DENND5A: variants seen among roughly 807,000 people sequenced by gnomAD.
DENND5A encodes the protein DENN domain containing 5A.
A neutral mutation model predicts 140.3 loss-of-function variants in DENND5A; 64 were observed. The observed-to-expected ratio is 0.46, with a 90% confidence interval of 0.37 to 0.56. The LOEUF (loss-of-function observed/expected upper bound fraction) is 0.56. DENND5A is among the 20% of genes least tolerant of loss of function. The pLI is 0.00. For synonymous variants in DENND5A, 605 were observed against 607.7 expected, an observed-to-expected ratio of 1.00 and a Z score of 0.07; for missense variants, 1,292 against 1,593.8, an observed-to-expected ratio of 0.81 and a Z score of 3.22.
chr11:9,188,832 TAA>T (rs752471762), intron 5 of DENND5A, among the ~76,000 whole-genome samples: 4 of 152,158 alleles, frequency 2.6e-5, no homozygotes, highest in Non-Finnish European at 5.9e-5. Context: ...AAACAGAGCA[TAA>T]AAGTTTGGAA....
At chr11:9,227,856 C>A (rs1486590616) in intron 1 of DENND5A, among the ~76,000 whole-genome samples, 1 of 151,668 alleles carries the variant, frequency 6.6e-6, no homozygotes, top group Non-Finnish European at 1.5e-5. Context: ...CTTGTAAATC[C>A]CAGCACTTTG....
At chr11:9,139,910 G>A (rs1311227096) in intron 22 of DENND5A, 56 bp from the exon 23 acceptor site, 2 of 1,549,282 alleles carry the variant, frequency 1.3e-6, no homozygotes, top group Non-Finnish European at 1.8e-6. Flanking sequence ...AAGGAAGAGA[G>A]AGCGTTAGTG....
chr11:9,146,149 C>G (rs913174265), intron 16 of DENND5A, among the ~76,000 whole-genome samples: 2 of 152,192 alleles, frequency 1.3e-5, no homozygotes, highest in African/African-American at 4.8e-5. Flanking sequence ...CTTTTTAGAG[C>G]ACTCTTCAAT....
Position 9,249,387 on chromosome 11 carries a change from A to G in DENND5A, c.109+15574T>C, listed in dbSNP as rs575396586. 3.3e-5 allele frequency among the ~76,000 whole-genome samples: 5 copies of G among 152,176 alleles called. No individual in the cohort carries two copies. In the East Asian group the frequency reaches 9.6e-4, roughly 29 times the overall value. ...ATTTCTTTTTTTGTTTCTTTTTGAGACAGGGTCTAGCTATGCTGCCCAGGC... is the reference window on the plus strand; with the variant it reads ...ATTTCTTTTTTTGTTTCTTTTTGAGGCAGGGTCTAGCTATGCTGCCCAGGC... On this transcript the variant is annotated intron_variant, in intron 1 of 22. Transcript: ENST00000328194.
At chr11:9,145,390 G>A (rs1385457187) in intron 17 of DENND5A, 5 of 579,030 alleles carry the variant, frequency 8.6e-6, no homozygotes, top group African/African-American at 1.9e-5. Context: ...GGTGGGCTGA[G>A]TAGCTGAAAG....
In DENND5A at chr11:9,254,239, T is replaced by A. The variant is rs1358383185; in HGVS notation, c.109+10722A>T. On this transcript the variant is annotated intron_variant, in intron 1 of 22. Coordinates refer to ENST00000328194, the MANE Select transcript of DENND5A (RefSeq NM_015213.4). ...TACTCAAGAGGCTAAGGTAGGAGGA[T>A]CCCTTGAGCTCAGAAATTCGAGGCT... is the stretch of plus-strand genomic sequence containing the variant. 2.7e-5 allele frequency among the ~76,000 whole-genome samples: 4 copies of A among 149,698 alleles called. No individual in the cohort carries two copies. In the Admixed American group the frequency reaches 2.7e-4, roughly 10 times the overall value.
chr11:9,230,037 T>C (rs1439560544), intron 1 of DENND5A, among the ~76,000 whole-genome samples: 1 of 149,710 alleles, frequency 6.7e-6, no homozygotes, highest in Non-Finnish European at 1.5e-5. Flanking sequence ...CCCGAGTAGC[T>C]GGGTGGGACT....
intron 4 of DENND5A, 134 bp from the exon 5 acceptor site, chr11:9,193,815 A>G: frequency 1.3e-6 from 1 of 773,594 alleles, no homozygotes; most frequent in Non-Finnish European, 2.0e-6. Flanking sequence ...CAGCTAGGGT[A>G]TGCTCAATGT....
rs552758598 is a variant in DENND5A, at chr11:9,144,366, T to C, written c.3123-88A>G. 86 of 1,341,726 alleles carry C rather than the reference T, an allele frequency of 6.4e-5. No individual in the cohort carries two copies. In the African/African-American group the frequency reaches 9.2e-4, roughly 14 times the overall value. The allele number at this position is 1,341,726 out of a possible 1,614,324, so 83.1% of individuals were successfully genotyped here. ...CATCAACAAAGCCAATCCCTGGAGA[T>C]AGGCTCTGAAACCAGGATAGAGACT... On this transcript the variant is annotated intron_variant, in intron 18 of 22. Transcript: ENST00000328194.
At chr11:9,166,778 G>A (rs910038390) in intron 10 of DENND5A, among the ~76,000 whole-genome samples, 1 of 152,038 alleles carries the variant, frequency 6.6e-6, no homozygotes, top group Non-Finnish European at 1.5e-5. Flanking sequence ...GTTGTGGTGA[G>A]CTGAGATCGC....
rs1444738863 is a variant in DENND5A, at chr11:9,147,069, C to T, written c.2818G>A (p.Val940Ile). Reference sequence around the variant, plus strand: ...ACATTGGTGAAGCAAAAGTAATCGACGGCATTGAAAGACAGGAGGTGATAG... The same window carrying T: ...ACATTGGTGAAGCAAAAGTAATCGATGGCATTGAAAGACAGGAGGTGATAG... ...FLYHLLSFNA[V>I]DYFCFTNVFT... Residue 940 changes from valine (V) to isoleucine (I), a missense_variant, in exon 16 of 23, where the codon GTC (valine) becomes ATC (isoleucine). This residue lies in a region of DENND5A where 498 missense variants were observed against 689.7 expected (regional missense o/e 0.72). Coordinates refer to ENST00000328194, the MANE Select transcript of DENND5A (RefSeq NM_015213.4). 3.7e-6 allele frequency: 6 copies of T among 1,614,150 alleles called. No individual in the cohort carries two copies. Among genetic ancestry groups the T allele is most frequent in the Non-Finnish European group, 5.1e-6 (6 of 1,179,996 alleles).
At chr11:9,194,871 C>G (rs1024739540) in intron 4 of DENND5A, among the ~76,000 whole-genome samples, 139 of 151,148 alleles carry the variant, frequency 9.2e-4, no homozygotes, top group Non-Finnish European at 1.1e-3. Context: ...AGGTGCCCAC[C>G]ACCGCACCTG....
intron 1 of DENND5A, among the ~76,000 whole-genome samples, chr11:9,237,598 C>T (rs993687731): frequency 2.6e-5 from 4 of 151,826 alleles, no homozygotes; most frequent in Admixed American, 2.6e-4. Flanking sequence ...ATGCACATTT[C>T]TTGGGCCAGG....
At position 9,212,609 on chromosome 11, in the gene DENND5A, A is replaced by C. The variant is rs143780934; in HGVS notation, c.110-4977T>G. 3.3e-3 allele frequency among the ~76,000 whole-genome samples: 503 copies of C among 152,192 alleles called. 2 individuals are homozygous for C. Among genetic ancestry groups the C allele is most frequent in the African/African-American group, 0.012 (481 of 41,440 alleles). ...CTCATCAGAAACAATGAAGGCTAGA[A>C]AACATGGAACAACACAAGTACTGAA... is the stretch of plus-strand genomic sequence containing the variant. On this transcript the variant is annotated intron_variant, in intron 1 of 22. Coordinates refer to ENST00000328194, the MANE Select transcript of DENND5A (RefSeq NM_015213.4).
intron 5 of DENND5A, among the ~76,000 whole-genome samples, chr11:9,186,624 G>A (rs1848922406): frequency 6.6e-6 from 1 of 152,238 alleles, no homozygotes; most frequent in Non-Finnish European, 1.5e-5. Flanking sequence ...TCCAAATGCT[G>A]TGTCCACATT....
At chr11:9,143,229 G>A in intron 20 of DENND5A, 174 bp downstream of exon 20, 1 of 687,054 alleles carries the variant, frequency 1.5e-6, no homozygotes, top group South Asian at 1.7e-5. Flanking sequence ...TGAGGCAAAG[G>A]CCCCCAGAGG....
At chr11:9,225,654 C>G (rs746689874) in intron 1 of DENND5A, among the ~76,000 whole-genome samples, 1 of 152,090 alleles carries the variant, frequency 6.6e-6, no homozygotes, top group Non-Finnish European at 1.5e-5. Flanking sequence ...TCTGGCTACT[C>G]GGGTGGCTGA....
rs537083430 is a variant in DENND5A at position 9,152,396 on chromosome 11, C to T, written c.2483G>A (p.Arg828Gln). Reference sequence around the variant, plus strand: ...GCTTCCTGATGTGAGTTTTCTCTGCCGGTTGTCCTGATAATGTAACAGGTG... The same window carrying T: ...GCTTCCTGATGTGAGTTTTCTCTGCTGGTTGTCCTGATAATGTAACAGGTG... ...WSHLLHYQDN[R>Q]QRKLTSGSLS... Residue 828 changes from arginine (R) to glutamine (Q), a missense_variant, in exon 13 of 23, where the codon CGG becomes CAG. Physicochemically the swap from Arg to Gln is conservative, Grantham distance 43. Around this residue, in one of 4 missense-constraint regions of DENND5A, gnomAD observed 498 missense variants for 689.7 expected, o/e 0.72. Coordinates refer to ENST00000328194, the MANE Select transcript of DENND5A (RefSeq NM_015213.4). 5.0e-6 allele frequency: 8 copies of T among 1,613,888 alleles called. No individual in the cohort carries two copies. Among genetic ancestry groups the T allele is most frequent in the Admixed American group, 3.3e-5 (2 of 60,016 alleles).
chr11:9,162,233 CTT>C (rs1221675349), intron 11 of DENND5A, among the ~76,000 whole-genome samples: 1 of 97,332 alleles, frequency 1.0e-5, no homozygotes, highest in African/African-American at 3.9e-5. Flanking sequence ...CCAGTTCCTT[CTT>C]TTTTTTTTTT....
Sources: gnomAD v4.1 joint callset for allele counts (sites outside exome capture counted in the v4.1 genomes callset) on GRCh38, gnomAD v4.1.1 for gene constraint, gnomAD v4.1.1 regional missense constraint, MANE v1.5 for transcripts, NCBI Gene and HGNC (gene_info 2026-07-23, HGNC 2026-07-21) for gene names.